The following GNAS variants were observed in gnomAD, a reference collection of about 807,000 sequenced individuals.
GNAS encodes GNAS complex locus.
In GNAS, 8 loss-of-function variants were observed where a neutral mutation model predicts 54.5. The observed-to-expected ratio is 0.15, with a 90% CI of 0.09 to 0.26. The LOEUF is 0.26. GNAS is among the 10% of genes least tolerant of loss of function. GNAS has a pLI of 1.00. For synonymous variants in GNAS, 204 were observed against 191.4 expected, an observed-to-expected ratio of 1.07 and a Z score of -0.54; for missense variants, 170 against 529.8, an observed-to-expected ratio of 0.32 and a Z score of 6.67.
At chr20:58,898,803 G>C in intron 2 of GNAS, 138 bp from the exon 3 acceptor site, 1 of 815,632 alleles carries the variant, frequency 1.2e-6, no homozygotes, top group Non-Finnish European at 2.2e-6. Context: ...AAGAATTGCC[G>C]GGAGGATGGA....
rs200810763 is a variant in GNAS, at chr20:58,891,735, C to T, written c.9C>T (p.Cys3=). 7.1e-4 allele frequency: 835 copies of T among 1,182,296 alleles called. 3 individuals carry two copies. In the East Asian group the frequency reaches 8.6e-3, roughly 12 times the overall value. 73.2% of individuals were successfully genotyped at this position (1,182,296 alleles called of 1,614,324 possible). The change falls in exon 1 of 13, where the codon TGC becomes TGT. Residue 3 remains cysteine, a synonymous_variant. Coordinates refer to ENST00000371085, the MANE Select transcript of GNAS (RefSeq NM_000516.7). Reference sequence around the variant, plus strand: ...CCGCCGCCGCCGCCGCCATGGGCTGCCTCGGGAACAGTAAGACCGAGGACC... The same window carrying T: ...CCGCCGCCGCCGCCGCCATGGGCTGTCTCGGGAACAGTAAGACCGAGGACC... MG[C]LGNSKTEDQR...
At position 58,844,771 on chromosome 20, in the gene GNAS, C is replaced by T. The variant is rs556288987; in HGVS notation, c.43+3885C>T. On this transcript the variant is annotated intron_variant, in intron 1 of 12. Coordinates refer to the GNAS transcript ENST00000306090. ...AGGTATCGCGCCATTGCACTCCAGC[C>T]CGGCCTACAGTGTGAGACTCCATCT... Among the ~76,000 whole-genome samples the T allele has an allele frequency of 4.0e-5, 6 of 151,788 alleles. No individual in the cohort carries two copies. In the South Asian group the frequency reaches 1.3e-3, roughly 32 times the overall value.
chr20:58,897,221 G>T (rs570199472), intron 2 of GNAS, among the ~76,000 whole-genome samples: 4 of 152,118 alleles, frequency 2.6e-5, no homozygotes, highest in Non-Finnish European at 5.9e-5. Flanking sequence ...AACCAATTCC[G>T]AAATTAATTC....
At chr20:58,887,330 C>A (rs1235105868), upstream of GNAS, among the ~76,000 whole-genome samples, 1 of 152,198 alleles carries the variant, frequency 6.6e-6, no homozygotes, top group Non-Finnish European at 1.5e-5. Context: ...TTCCCTCTTA[C>A]AAGTCTTTAA....
At chr20:58,872,508 A>G (rs770458417) in intron 1 of GNAS, among the ~76,000 whole-genome samples, 95 of 152,204 alleles carry the variant, frequency 6.2e-4, no homozygotes, top group Admixed American at 1.2e-3. Flanking sequence ...ATTGGGTTCC[A>G]GCCAGACCCA....
intron 3 of GNAS, among the ~76,000 whole-genome samples, chr20:58,901,968 T>G (rs1174310765): frequency 6.6e-6 from 1 of 151,852 alleles, no homozygotes; most frequent in Non-Finnish European, 1.5e-5. Context: ...AGATTATATG[T>G]TTTAATTTCT....
chr20:58,854,058 C>A, intron 1 of GNAS: 1 of 1,611,028 alleles, frequency 6.2e-7, no homozygotes, highest in Non-Finnish European at 8.5e-7. Context: ...GAGTGCGGTC[C>A]GCCTCACTCC....
chr20:58,909,137 C>A lies in GNAS; in HGVS notation c.531-25C>A. The A allele has an allele frequency of 6.2e-7, 1 of 1,607,388 alleles. No homozygotes were observed. The highest frequency in any genetic ancestry group is 8.5e-7 in the Non-Finnish European group (1 of 1,173,926). The stretch of plus-strand genomic sequence containing the variant: ...AATTGATGTGAGCGCTGTGAACACC[C>A]CACGTGTCTTTCTTTTTCTCCCAGC... On this transcript the variant is annotated intron_variant, in intron 6 of 12. Coordinates refer to ENST00000371085, the MANE Select transcript of GNAS (RefSeq NM_000516.7). The surrounding 1 kb of genome is among the most constrained non-coding windows in gnomAD (Gnocchi z 7.3).
chr20:58,890,121 G>C (rs867236916), upstream of GNAS, among the ~76,000 whole-genome samples: 1 of 151,844 alleles, frequency 6.6e-6, no homozygotes, highest in African/African-American at 2.4e-5. Context: ...CAAGAAGCTC[G>C]AGAAGAAGCT....
chr20:58,861,865 C>G (rs1271352117), intron 1 of GNAS, among the ~76,000 whole-genome samples: 1 of 151,810 alleles, frequency 6.6e-6, no homozygotes, highest in Non-Finnish European at 1.5e-5. Flanking sequence ...ACTACCACGC[C>G]CCACTAATTT....
chr20:58,909,885 A>G lies in GNAS; in HGVS notation c.840-66A>G. 2 of 1,613,102 alleles carry G rather than the reference A, an allele frequency of 1.2e-6. No homozygotes were observed. Among genetic ancestry groups the G allele is most frequent in the South Asian group, 1.1e-5 (1 of 91,038 alleles). Reference sequence around the variant, plus strand: ...TGTTTATAGAGAAGAACCCCGTGCAAGCATTCCAGACCCCTGGCCGAAAGC... The same window carrying G: ...TGTTTATAGAGAAGAACCCCGTGCAGGCATTCCAGACCCCTGGCCGAAAGC... On this transcript the variant is annotated intron_variant, in intron 10 of 12. Coordinates refer to ENST00000371085, the MANE Select transcript of GNAS (RefSeq NM_000516.7). The surrounding 1 kb of genome is among the most constrained non-coding windows in gnomAD (Gnocchi z 7.3).
At chr20:58,883,198 T>C (rs998631971) in intron 1 of GNAS, among the ~76,000 whole-genome samples, 1 of 152,242 alleles carries the variant, frequency 6.6e-6, no homozygotes, top group Admixed American at 6.5e-5. Flanking sequence ...GTACAAATCA[T>C]TGGAAGGCCG....
chr20:58,871,130 G>A (rs1026565011), intron 1 of GNAS, among the ~76,000 whole-genome samples: 8 of 152,160 alleles, frequency 5.3e-5, no homozygotes, highest in Admixed American at 2.6e-4. Context: ...TTTCGCTAGC[G>A]GGGAAGAGCA....
intron 1 of GNAS, among the ~76,000 whole-genome samples, chr20:58,877,491 G>T (rs2087902117): frequency 6.6e-6 from 1 of 152,182 alleles, no homozygotes; most frequent in Non-Finnish European, 1.5e-5. Context: ...CCTTGGAGGG[G>T]TTTCAAGTGG....
At chr20:58,855,387 G>C (rs1359890329) in intron 1 of GNAS, 1 of 1,501,800 alleles carries the variant, frequency 6.7e-7, no homozygotes, top group Non-Finnish European at 9.1e-7. Flanking sequence ...AACCGGGGAG[G>C]GGGTGGCAGG....
chr20:58,903,320 G>A (rs2090797841), intron 3 of GNAS: 1 of 649,888 alleles, frequency 1.5e-6, no homozygotes, highest in Admixed American at 2.2e-5. Context: ...TTGCTAATCT[G>A]CCCCGATTGG....
chr20:58,892,798 T>C (rs2145946261), intron 1 of GNAS, among the ~76,000 whole-genome samples: 1 of 151,938 alleles, frequency 6.6e-6, no homozygotes, highest in East Asian at 1.9e-4. Context: ...CATTTTACAG[T>C]GTGACCTTTT....
chr20:58,841,152 T>C lies in GNAS; in HGVS notation c.43+266T>C, dbSNP rs771945640. On this transcript the variant is annotated intron_variant, in intron 1 of 12. Transcript: ENST00000306090. The surrounding 1 kb of genome is among the most constrained non-coding windows in gnomAD (Gnocchi z 5.0). The stretch of plus-strand genomic sequence containing the variant: ...TGGAGACAACCTGAGGTCTCCGAGC[T>C]GGTGCCCCGGCTACGCGACTGAATC... 1.9e-4 allele frequency among the ~76,000 whole-genome samples: 29 copies of C among 152,132 alleles called. No individual in the cohort carries two copies. The highest frequency in any genetic ancestry group is 1.2e-3 in the Admixed American group (19 of 15,280).
At chr20:58,907,506 A>C (rs1477382608) in intron 6 of GNAS, among the ~76,000 whole-genome samples, 1 of 152,220 alleles carries the variant, frequency 6.6e-6, no homozygotes, top group South Asian at 2.1e-4. Flanking sequence ...AGATTAAGAG[A>C]GTTTAACCAC....
Sources: gnomAD v4.1 joint callset for allele counts (sites outside exome capture counted in the v4.1 genomes callset) on GRCh38, gnomAD v4.1.1 for gene constraint, Gnocchi (gnomAD v3.1) non-coding constraint, MANE v1.5 for transcripts, NCBI Gene and HGNC (gene_info 2026-07-23, HGNC 2026-07-21) for gene names.